The following ECPAS variants were observed in gnomAD, a reference collection of about 807,000 sequenced individuals.
The protein encoded by ECPAS is proteasome adapter and scaffold protein ECM29.
Under a neutral mutation model 255.1 loss-of-function variants are expected in ECPAS, and 70 were observed. The ratio of observed to expected loss-of-function variants is 0.27; its 90% CI spans 0.23 to 0.33. The LOEUF (loss-of-function observed/expected upper bound fraction) is 0.33, where lower values mean the gene tolerates loss of function less well. ECPAS is among the 10% of genes least tolerant of loss of function. The pLI, the probability that ECPAS is intolerant of heterozygous loss-of-function variation, is 1.00. For synonymous variants in ECPAS, 784 were observed against 775.0 expected (o/e 1.01, Z -0.19); for missense variants, 1,817 against 2,206.4 (o/e 0.82, Z 3.54).
chr9:111,378,672 G>A lies in ECPAS; in HGVS notation c.3862C>T (p.Pro1288Ser). 1 of 1,613,842 alleles carries A rather than the reference G, an allele frequency of 6.2e-7. No homozygotes were observed. The highest frequency in any genetic ancestry group is 8.5e-7 in the Non-Finnish European group (1 of 1,179,764). The stretch of plus-strand genomic sequence containing the variant: ...TCTAGCAGAGCTGGAATGAGTTTTG[G>A]TGCATGCGGTTTCAACATGGCTCCT... The part of the protein sequence containing the change: ...SAGAMLKPHA[P>S]KLIPALLESL... The change falls in exon 36 of 50, where the codon CCA (proline) becomes TCA (serine). Residue 1288 changes from proline to serine, a missense_variant. Pro to Ser is a moderately conservative substitution (Grantham distance 74). Transcript: ENST00000684092.
intron 22 of ECPAS, among the ~76,000 whole-genome samples, chr9:111,410,593 C>T (rs1029086): frequency 0.13 from 19,080 of 152,076 alleles, 1,476 homozygotes; most frequent in East Asian, 0.33. Context: ...CACAGCTCAC[C>T]GCAGCCTGGA....
intron 25 of ECPAS, among the ~76,000 whole-genome samples, chr9:111,395,276 T>C (rs1297510048): frequency 6.6e-6 from 1 of 152,070 alleles, no homozygotes; most frequent in Admixed American, 6.6e-5. Context: ...GCCCAGGATA[T>C]TATGTAGAGA....
Position 111,370,474 on chromosome 9 carries a change from G to GA in ECPAS, c.4934dup (p.Gln1646ProfsTer5), listed in dbSNP as rs2098126002. On this transcript the variant is annotated frameshift_variant, in exon 45 of 50. Coordinates refer to ENST00000684092, the MANE Select transcript of ECPAS (RefSeq NM_001364929.1). LOFTEE classifies it high-confidence loss of function. Reference sequence around the variant, plus strand: ...GTATGACAATGTTAGAGAACTCCTGGAATCTGTCCTCTTTGGTGGCCTTCA... The same window carrying GA: ...GTATGACAATGTTAGAGAACTCCTGGAAATCTGTCCTCTTTGGTGGCCTTCA... 6.2e-7 allele frequency: 1 copy of GA among 1,609,218 alleles called. No individual in the cohort carries two copies. Among genetic ancestry groups the GA allele is most frequent in the East Asian group, 2.2e-5 (1 of 44,748 alleles).
intron 2 of ECPAS, among the ~76,000 whole-genome samples, chr9:111,469,221 T>C (rs931491257): frequency 4.6e-5 from 7 of 151,166 alleles, no homozygotes. Context: ...CTGGGCAACA[T>C]AGCGAGACTC....
chr9:111,412,262 A>C, intron 20 of ECPAS, 114 bp from the exon 21 acceptor site: 1 of 910,318 alleles, frequency 1.1e-6, no homozygotes, highest in South Asian at 2.6e-5. Flanking sequence ...TTGAGAAAAA[A>C]ACAAGCCATT....
chr9:111,404,971 A>C lies in ECPAS; in HGVS notation c.2652+3600T>G, dbSNP rs565447788. 4.0e-5 allele frequency among the ~76,000 whole-genome samples: 6 copies of C among 149,830 alleles called. No individual in the cohort carries two copies. In the South Asian group the frequency reaches 1.3e-3, roughly 31 times the overall value. On this transcript the variant is annotated intron_variant, in intron 24 of 49. Transcript: ENST00000684092. Reference sequence around the variant, plus strand: ...CATGGATTGAAATCGTATTATTAAAATTTCCATACTACCAAAAACGATCTA... The same window carrying C: ...CATGGATTGAAATCGTATTATTAAACTTTCCATACTACCAAAAACGATCTA...
intron 31 of ECPAS, 55 bp from the exon 32 acceptor site, chr9:111,386,511 T>A: frequency 9.8e-7 from 1 of 1,018,568 alleles, no homozygotes; most frequent in Non-Finnish European, 1.5e-6. Context: ...ATAATCAAAT[T>A]ACTCAACTCT....
intron 2 of ECPAS, among the ~76,000 whole-genome samples, chr9:111,467,700 A>G (rs771025195): frequency 3.0e-4 from 46 of 152,222 alleles, no homozygotes; most frequent in Non-Finnish European, 5.0e-4. Context: ...ATATTACACT[A>G]TAATAGACGA....
intron 25 of ECPAS, among the ~76,000 whole-genome samples, chr9:111,395,930 C>T (rs2098166935): frequency 6.6e-6 from 1 of 152,210 alleles, no homozygotes; most frequent in South Asian, 2.1e-4. Context: ...TTCCGTCAAT[C>T]CACAACTCTC....
At chr9:111,374,068 T>C (rs1384603796) in intron 38 of ECPAS, 30 bp from the exon 39 acceptor site, 18 of 1,552,572 alleles carry the variant, frequency 1.2e-5, no homozygotes, top group Non-Finnish European at 1.6e-5. Context: ...AAGGTCTAAA[T>C]CTGATGGTCA....
intron 32 of ECPAS, among the ~76,000 whole-genome samples, chr9:111,385,845 T>C (rs1388286046): frequency 1.3e-5 from 2 of 152,252 alleles, no homozygotes; most frequent in African/African-American, 2.4e-5. Context: ...ACTTCTTTGA[T>C]TTCATACTTA....
At chr9:111,364,969 G>A (rs532711066) in intron 48 of ECPAS, among the ~76,000 whole-genome samples, 7 of 152,294 alleles carry the variant, frequency 4.6e-5, no homozygotes, top group South Asian at 2.1e-4. Flanking sequence ...AAAGGCTGAC[G>A]AAGTATTCCA....
At chr9:111,397,733 A>C (rs996834538) in intron 24 of ECPAS, among the ~76,000 whole-genome samples, 47 of 152,164 alleles carry the variant, frequency 3.1e-4, no homozygotes, top group African/African-American at 1.1e-3. Flanking sequence ...TTGCACTCTT[A>C]AATTATATGA....
intron 24 of ECPAS, among the ~76,000 whole-genome samples, chr9:111,407,885 G>C (rs1013438566): frequency 2.6e-5 from 4 of 152,178 alleles, no homozygotes; most frequent in Admixed American, 2.0e-4. Context: ...AGTCTGGTGG[G>C]CCATTAGAAA....
intron 2 of ECPAS, among the ~76,000 whole-genome samples, chr9:111,456,180 A>C (rs138494706): frequency 9.2e-5 from 14 of 152,358 alleles, no homozygotes; most frequent in African/African-American, 3.4e-4. Flanking sequence ...ACATAAATGC[A>C]TGGTTTAATG....
At chr9:111,448,137 T>A (rs1338069311) in intron 3 of ECPAS, among the ~76,000 whole-genome samples, 1 of 152,184 alleles carries the variant, frequency 6.6e-6, no homozygotes, top group Non-Finnish European at 1.5e-5. Context: ...ATATCACATG[T>A]ACCCCCATAA....
At chr9:111,416,756 T>TC (rs2098204195) in intron 17 of ECPAS, among the ~76,000 whole-genome samples, 1 of 152,078 alleles carries the variant, frequency 6.6e-6, no homozygotes, top group African/African-American at 2.4e-5. Context: ...GACCTTCAAC[T>TC]CCCTTAAGGT....
intron 43 of ECPAS, 101 bp downstream of exon 43, chr9:111,371,520 A>C: frequency 9.1e-7 from 1 of 1,100,948 alleles, no homozygotes; most frequent in Non-Finnish European, 1.4e-6. Flanking sequence ...GTTCACAAAA[A>C]TAATCCATTG....
At chr9:111,421,563 G>C (rs1307113375) in intron 15 of ECPAS, among the ~76,000 whole-genome samples, 1 of 151,898 alleles carries the variant, frequency 6.6e-6, no homozygotes, top group Non-Finnish European at 1.5e-5. Context: ...TTGACATATG[G>C]AATTTGTCTT....
Sources: gnomAD v4.1 joint callset for allele counts (sites outside exome capture counted in the v4.1 genomes callset) on GRCh38, gnomAD v4.1.1 for gene constraint, MANE v1.5 for transcripts, NCBI Gene and HGNC (gene_info 2026-07-23, HGNC 2026-07-21) for gene names.